Variants in TEX10 observed in about 807,000 individuals in gnomAD.
TEX10 encodes the protein testis expressed 10.
Under a neutral mutation model 104.4 loss-of-function variants are expected in TEX10, and 24 were observed. That is an observed-to-expected ratio of 0.23 (90% CI 0.17 to 0.32). The LOEUF is 0.32. TEX10 is among the 10% of genes least tolerant of loss of function. The pLI is 1.00. For missense variants in TEX10, 921 were observed against 1,083.9 expected (o/e 0.85, Z 2.11); for synonymous variants, 396 against 393.4 (o/e 1.01, Z -0.08).
intron 1 of TEX10, among the ~76,000 whole-genome samples, chr9:100,350,583 G>A (rs1835415233): frequency 6.6e-6 from 1 of 152,138 alleles, no homozygotes; most frequent in Non-Finnish European, 1.5e-5. Context: ...CACTTGAATA[G>A]GGTAAGTACC....
At chr9:100,320,775 T>C (rs1834549539) in intron 10 of TEX10, among the ~76,000 whole-genome samples, 1 of 152,208 alleles carries the variant, frequency 6.6e-6, no homozygotes, top group South Asian at 2.1e-4. Flanking sequence ...TATCAAATGC[T>C]TTAGGTTCTT....
intron 9 of TEX10, among the ~76,000 whole-genome samples, chr9:100,326,085 C>G (rs1356594360): frequency 6.6e-6 from 1 of 152,024 alleles, no homozygotes; most frequent in Non-Finnish European, 1.5e-5. Flanking sequence ...CTATTTCAAC[C>G]CTTATTCCAA....
chr9:100,311,773 A>G (rs1481063313), intron 11 of TEX10, among the ~76,000 whole-genome samples: 2 of 152,198 alleles, frequency 1.3e-5, no homozygotes, highest in Non-Finnish European at 2.9e-5. Flanking sequence ...TCCTTCACAG[A>G]TATCAGTCAC....
chr9:100,331,093 T>C (rs971326725), intron 5 of TEX10, among the ~76,000 whole-genome samples: 30 of 113,556 alleles, frequency 2.6e-4, no homozygotes, highest in Admixed American at 2.6e-3. Context: ...CTGTCTCTAC[T>C]AAATACAAAA....
chr9:100,333,271 C>T (rs888033574), intron 5 of TEX10, among the ~76,000 whole-genome samples: 8 of 152,062 alleles, frequency 5.3e-5, no homozygotes, highest in African/African-American at 1.9e-4. Flanking sequence ...GACAACATCC[C>T]TACCTTAAGC....
chr9:100,308,234 A>G (rs114193889), intron 13 of TEX10, among the ~76,000 whole-genome samples: 2,251 of 150,592 alleles, frequency 0.015, 21 homozygotes, highest in Non-Finnish European at 0.022. Flanking sequence ...TTAATAAAAG[A>G]AACCTCTCAA....
Position 100,340,432 on chromosome 9 carries a change from TGAAGA to T in TEX10, c.1138-68_1138-64del, listed in dbSNP as rs1476271200. On this transcript the variant is annotated intron_variant, in intron 4 of 14. Coordinates refer to ENST00000374902, the MANE Select transcript of TEX10 (RefSeq NM_017746.4). ...AAAATGTAAAATAAGCAATAAAACTTGAAGAGAAATGACAACTTGTCAAATAAATG... is the reference window on the plus strand; with the variant it reads ...AAAATGTAAAATAAGCAATAAAACTTGAAATGACAACTTGTCAAATAAATG... 2.4e-4 allele frequency: 225 copies of T among 943,656 alleles called. 2 individuals are homozygous for T. In the East Asian group the frequency reaches 5.9e-3, roughly 25 times the overall value. 58.5% of individuals were successfully genotyped at this position (943,656 alleles called of 1,614,324 possible).
chr9:100,307,779 T>C (rs1472270923), intron 13 of TEX10: 1 of 152,146 alleles, frequency 6.6e-6, no homozygotes, highest in Admixed American at 6.6e-5. Context: ...AGTTTATAAT[T>C]ACCTTTTAAA....
Position 100,339,275 on chromosome 9 carries a change from G to GTATATATA in TEX10, c.1250+974_1250+981dup, listed in dbSNP as rs1281859664. ...AAAAAAAAAAAAAAAAAAAAAAAAA[G>GTATATATA]TATATATATATATATACATATATAT... is the stretch of plus-strand genomic sequence containing the variant. On this transcript the variant is annotated intron_variant, in intron 5 of 14. Transcript: ENST00000374902. 4.8e-3 allele frequency among the ~76,000 whole-genome samples: 348 copies of GTATATATA among 72,690 alleles called. 1 individual carries two copies. Among genetic ancestry groups the GTATATATA allele is most frequent in the African/African-American group, 0.013 (251 of 19,416 alleles). 47.7% of individuals were successfully genotyped at this position (72,690 alleles called of 152,430 possible).
intron 11 of TEX10, among the ~76,000 whole-genome samples, chr9:100,318,606 C>A (rs1006368097): frequency 6.6e-6 from 1 of 152,166 alleles, no homozygotes; most frequent in African/African-American, 2.4e-5. Flanking sequence ...CCTAAATTTA[C>A]ATGCACACAC....
intron 13 of TEX10, chr9:100,304,806 C>T (rs1199526204): frequency 6.6e-6 from 1 of 151,328 alleles, no homozygotes; most frequent in African/African-American, 2.4e-5. Flanking sequence ...TGTAGTGAGC[C>T]GAGATCACAC....
intron 1 of TEX10, among the ~76,000 whole-genome samples, chr9:100,352,006 C>A (rs1285539272): frequency 8.8e-6 from 1 of 113,568 alleles, no homozygotes; most frequent in East Asian, 4.0e-4. Context: ...GTCACACATT[C>A]CTACTGTAGG....
intron 9 of TEX10, among the ~76,000 whole-genome samples, chr9:100,322,564 A>G (rs1018296959): frequency 6.6e-6 from 1 of 152,110 alleles, no homozygotes; most frequent in Non-Finnish European, 1.5e-5. Context: ...TAATTCACCT[A>G]TAAGTACTTA....
Position 100,352,837 on chromosome 9 carries a change from G to A in TEX10, c.-75C>T, listed in dbSNP as rs1423202330. 1 of 1,022,574 alleles carries A rather than the reference G, an allele frequency of 9.8e-7. No homozygotes were observed. Among genetic ancestry groups the A allele is most frequent in the Non-Finnish European group, 1.2e-6 (1 of 855,988 alleles). 63.3% of individuals were successfully genotyped at this position (1,022,574 alleles called of 1,614,324 possible). A position where few individuals can be genotyped will look rare whatever the true frequency, so the allele number is the denominator to read the frequency against. On this transcript the variant is annotated 5_prime_UTR_variant, in exon 1 of 15. Coordinates refer to ENST00000374902, the MANE Select transcript of TEX10 (RefSeq NM_017746.4). Reference sequence around the variant, plus strand: ...ACAAGCGAGGGAGCAGAAGCCCACGGGGCAACAGCGTGCGCCGCCGACCTC... The same window carrying A: ...ACAAGCGAGGGAGCAGAAGCCCACGAGGCAACAGCGTGCGCCGCCGACCTC...
At chr9:100,352,731 C>T in intron 1 of TEX10, 41 bp downstream of exon 1, 10 of 1,206,358 alleles carry the variant, frequency 8.3e-6, no homozygotes, top group Non-Finnish European at 1.0e-5. Flanking sequence ...CTCAGTCCCG[C>T]GCCCCGGGAG....
intron 9 of TEX10, among the ~76,000 whole-genome samples, chr9:100,325,737 GCC>G: frequency 6.6e-6 from 1 of 152,186 alleles, no homozygotes; most frequent in East Asian, 1.9e-4. Flanking sequence ...CACCATGCTG[GCC>G]AGGCTGGTCT....
At position 100,308,548 on chromosome 9, in the gene TEX10, TAAAG is replaced by T; in HGVS notation, c.2413_2416del (p.Leu805IlefsTer6). 4 of 1,612,320 alleles carry T rather than the reference TAAAG, an allele frequency of 2.5e-6. No homozygotes were observed. The highest frequency in any genetic ancestry group is 3.4e-6 in the Non-Finnish European group (4 of 1,179,186). ...CCCTTTCTCTATAGTGAGCAGAAAATAAAGAAGACTGTAGCAACAAGAAGCCAGA... is the reference window on the plus strand; with the variant it reads ...CCCTTTCTCTATAGTGAGCAGAAAATAAGACTGTAGCAACAAGAAGCCAGA... On this transcript the variant is annotated frameshift_variant, in exon 13 of 15. Transcript: ENST00000374902. LOFTEE classifies it high-confidence loss of function.
intron 4 of TEX10, among the ~76,000 whole-genome samples, chr9:100,342,686 G>C (rs1198823766): frequency 6.6e-6 from 1 of 152,052 alleles, no homozygotes; most frequent in Non-Finnish European, 1.5e-5. Context: ...AAGGATAAAA[G>C]CAATGAGACA....
intron 5 of TEX10, among the ~76,000 whole-genome samples, chr9:100,337,554 A>G (rs540389568): frequency 6.6e-6 from 1 of 152,358 alleles, no homozygotes; most frequent in South Asian, 2.1e-4. Flanking sequence ...CTTGCTCAAT[A>G]AAGTGTCTCT....
Sources: allele counts gnomAD v4.1 joint callset (sites outside exome capture counted in the v4.1 genomes callset), GRCh38; gene constraint gnomAD v4.1.1; transcripts MANE v1.5; gene names NCBI Gene and HGNC (gene_info 2026-07-23, HGNC 2026-07-21).